Variants in CCDC47 observed in about 807,000 individuals in gnomAD.
CCDC47 encodes the protein PAT complex subunit CCDC47.
A neutral mutation model predicts 60.5 loss-of-function variants in CCDC47; 41 were observed. The observed-to-expected ratio is 0.68, with a 90% CI of 0.53 to 0.88. The LOEUF is 0.88. Ranked by LOEUF, CCDC47 falls within the 40% of genes least tolerant of loss-of-function variation. The probability of loss-of-function intolerance (pLI) is 0.00; values close to 1 mark genes in which losing one functional copy is unlikely to be tolerated. For missense variants in CCDC47, 513 were observed against 580.9 expected (o/e 0.88, Z 1.20); for synonymous variants, 195 against 190.7 (o/e 1.02, Z -0.18).
In CCDC47 at chr17:63,770,486, A is replaced by T. The variant is rs932136399; in HGVS notation, c.-20+2926T>A. 3.3e-5 allele frequency among the ~76,000 whole-genome samples: 5 copies of T among 152,174 alleles called. No homozygotes were observed. The East Asian group carries it at 9.6e-4, about 29-fold the overall frequency. ...CATTACTGGCAACTGCAGGGAAGTG[A>T]TAAGGATGGAAGCCATAATGCAAGC... On this transcript the variant is annotated intron_variant, in intron 1 of 12. Transcript: ENST00000225726.
chr17:63,762,342 T>C (rs1249192554), intron 4 of CCDC47: 1 of 650,792 alleles, frequency 1.5e-6, no homozygotes, highest in Non-Finnish European at 1.9e-6. Context: ...TACTATGGTA[T>C]AGTGGAGACG....
intron 1 of CCDC47, among the ~76,000 whole-genome samples, chr17:63,771,045 G>GAAGGACGGAAGGAAGGAAGAAAGAAAGA: frequency 1.0e-5 from 1 of 97,838 alleles, no homozygotes; most frequent in Non-Finnish European, 2.0e-5. Flanking sequence ...AGGAAGGAAG[G>GAAGGACGGAAGGAAGGAAGAAAGAAAGA]AAGAAAGAAA....
rs1034739938 is a variant in CCDC47 at position 63,745,391 on chromosome 17, T to A, written c.*1490A>T. 4 of 152,642 alleles carry A rather than the reference T, an allele frequency of 2.6e-5. No individual in the cohort carries two copies. The highest frequency in any genetic ancestry group is 2.9e-5 in the Non-Finnish European group (2 of 68,046). The allele number at this position is 152,642 out of a possible 1,614,324, so 9.5% of individuals were successfully genotyped here. A position where few individuals can be genotyped will look rare whatever the true frequency, so the allele number is the denominator to read the frequency against. On this transcript the variant is annotated 3_prime_UTR_variant, in exon 13 of 13. Transcript: ENST00000225726. ...CAAAAGATAACTAAGACTATCAACT[T>A]TGATTTCTAAAATGTAATTTAAAGG... is the stretch of plus-strand genomic sequence containing the variant.
At position 63,771,879 on chromosome 17, in the gene CCDC47, C is replaced by T. The variant is rs144304229; in HGVS notation, c.-20+1533G>A. Among the ~76,000 whole-genome samples, 198 of 152,050 alleles carry T rather than the reference C, an allele frequency of 1.3e-3. 1 individual carries two copies. The highest frequency in any genetic ancestry group is 4.7e-3 in the African/African-American group (195 of 41,460). ...GGTGGATCATTTGAGGTCAGGAGTT[C>T]GAGACCAGCTTGGCCAAAATAGTGA... On this transcript the variant is annotated intron_variant, in intron 1 of 12. Coordinates refer to ENST00000225726, the MANE Select transcript of CCDC47 (RefSeq NM_020198.3).
At chr17:63,757,192 C>G (rs1486606059) in intron 6 of CCDC47, among the ~76,000 whole-genome samples, 1 of 124,960 alleles carries the variant, frequency 8.0e-6, no homozygotes, top group East Asian at 2.4e-4. Flanking sequence ...GGGACCCCAT[C>G]TGTACAAAAA....
Position 63,745,729 on chromosome 17 carries a change from T to TA in CCDC47, c.*1151dup, listed in dbSNP as rs1211675012. On this transcript the variant is annotated 3_prime_UTR_variant, in exon 13 of 13. Transcript: ENST00000225726. ...ACCCTTACCCATCCCCGGCAAAAAT[T>TA]ACCTGGTACAAGCAATGACCTAAAA... 1 of 152,034 alleles carries TA rather than the reference T, an allele frequency of 6.6e-6. No individual in the cohort carries two copies. Among genetic ancestry groups the TA allele is most frequent in the Non-Finnish European group, 1.5e-5 (1 of 68,016 alleles). The allele number at this position is 152,034 out of a possible 1,614,324, so 9.4% of individuals were successfully genotyped here.
chr17:63,752,236 A>G, intron 11 of CCDC47, 84 bp downstream of exon 11: 1 of 1,421,892 alleles, frequency 7.0e-7, no homozygotes, highest in South Asian at 1.2e-5. Flanking sequence ...AAATTCAGTC[A>G]CTGAAATCAT....
intron 6 of CCDC47, among the ~76,000 whole-genome samples, chr17:63,759,502 AAAAAAAATATATATATATATATATT>A (rs1414986003): frequency 7.4e-5 from 2 of 27,190 alleles, no homozygotes; most frequent in African/African-American, 7.7e-4. Flanking sequence ...AAAAAAAAAA[AAAAAAAATATATATATATATATATT>A]TATATATATA....
At chr17:63,761,659 T>C in intron 4 of CCDC47, 1 of 240,916 alleles carries the variant, frequency 4.2e-6, no homozygotes, top group Non-Finnish European at 7.1e-6. Context: ...ATCGCACCAT[T>C]GTACTCCAGC....
At chr17:63,754,037 C>T (rs1171920671) in intron 9 of CCDC47, among the ~76,000 whole-genome samples, 6 of 152,120 alleles carry the variant, frequency 3.9e-5, no homozygotes, top group African/African-American at 1.4e-4. Flanking sequence ...ACCCGGGAGG[C>T]GGAGGTTGCA....
At chr17:63,760,062 C>CAAAAAAAAAAAAAAAA (rs10643408) in intron 6 of CCDC47, among the ~76,000 whole-genome samples, 1 of 98,428 alleles carries the variant, frequency 1.0e-5, no homozygotes, top group Non-Finnish European at 2.0e-5. Flanking sequence ...GACTCCGTCT[C>CAAAAAAAAAAAAAAAA]AAAAAAAAAA....
At chr17:63,770,643 C>T (rs578174961) in intron 1 of CCDC47, among the ~76,000 whole-genome samples, 12 of 152,214 alleles carry the variant, frequency 7.9e-5, no homozygotes, top group Non-Finnish European at 1.8e-4. Context: ...AGTTTAATAT[C>T]GAAGGTTATT....
At chr17:63,765,787 C>T in intron 2 of CCDC47, 125 bp downstream of exon 2, 1 of 1,347,534 alleles carries the variant, frequency 7.4e-7, no homozygotes, top group Non-Finnish European at 1.0e-6. Flanking sequence ...TAGAAGAGCT[C>T]TACCTAGTGA....
chr17:63,759,571 AT>A (rs2039240205), intron 6 of CCDC47, among the ~76,000 whole-genome samples: 2 of 99,528 alleles, frequency 2.0e-5, no homozygotes, highest in East Asian at 3.4e-4. Flanking sequence ...ATATATATAT[AT>A]ATATAAAACA....
At chr17:63,765,093 TAA>T (rs2039287551) in intron 2 of CCDC47, 2 of 276,804 alleles carry the variant, frequency 7.2e-6, no homozygotes, top group Non-Finnish European at 1.1e-5. Flanking sequence ...TGAAATCTGC[TAA>T]GAGAATATAT....
Position 63,745,633 on chromosome 17 carries a change from T to C in CCDC47, c.*1248A>G, listed in dbSNP as rs1022709621. 6.6e-6 allele frequency: 1 copy of C among 152,200 alleles called. No homozygotes were observed. The highest frequency in any genetic ancestry group is 2.4e-5 in the African/African-American group (1 of 41,452). 9.4% of individuals were successfully genotyped at this position (152,200 alleles called of 1,614,324 possible). ...TGCTGTTTTCACAGCAACTTGTTAT[T>C]GCCTCAGAACAGGCCTGCACTAAAG... On this transcript the variant is annotated 3_prime_UTR_variant, in exon 13 of 13. Coordinates refer to ENST00000225726, the MANE Select transcript of CCDC47 (RefSeq NM_020198.3).
chr17:63,765,521 G>T (rs1231333491), intron 2 of CCDC47: 1 of 166,496 alleles, frequency 6.0e-6, no homozygotes, highest in African/African-American at 2.4e-5. Flanking sequence ...TGTATTTTTA[G>T]TAGAGACAGG....
At chr17:63,747,210 A>G in intron 12 of CCDC47, 12 of 984,804 alleles carry the variant, frequency 1.2e-5, no homozygotes, top group Non-Finnish European at 1.4e-5. Flanking sequence ...GTTTTGAAAG[A>G]AACTACTATA....
At chr17:63,752,161 C>T in intron 11 of CCDC47, 54 bp from the exon 12 acceptor site, 2 of 1,585,908 alleles carry the variant, frequency 1.3e-6, no homozygotes, top group Non-Finnish European at 1.7e-6. Context: ...TCAACAGCAA[C>T]AAAATCCCGT....
Sources: gnomAD v4.1 joint callset for allele counts (sites outside exome capture counted in the v4.1 genomes callset) on GRCh38, gnomAD v4.1.1 for gene constraint, MANE v1.5 for transcripts, NCBI Gene and HGNC (gene_info 2026-07-23, HGNC 2026-07-21) for gene names.